MAGI1: variants seen among roughly 807,000 people sequenced by gnomAD.
MAGI1 encodes the protein membrane associated guanylate kinase, WW and PDZ domain containing 1.
In MAGI1, 58 loss-of-function variants were observed where a neutral mutation model predicts 139.9. The ratio of observed to expected loss-of-function variants is 0.41; its 90% CI spans 0.34 to 0.52. The LOEUF (loss-of-function observed/expected upper bound fraction) is 0.52, where lower values mean the gene tolerates loss of function less well. MAGI1 is among the 20% of genes least tolerant of loss of function. The probability of loss-of-function intolerance (pLI) is 0.12; values close to 1 mark genes in which losing one functional copy is unlikely to be tolerated. For synonymous variants in MAGI1, 812 were observed against 737.9 expected, an observed-to-expected ratio of 1.10 and a Z score of -1.63; for missense variants, 1,874 against 1,901.6, an observed-to-expected ratio of 0.99 and a Z score of 0.27.
intron 1 of MAGI1, among the ~76,000 whole-genome samples, chr3:65,859,350 T>C (rs1249574735): frequency 1.3e-5 from 2 of 151,716 alleles, no homozygotes; most frequent in East Asian, 3.9e-4. Context: ...AGCACCTGCA[T>C]TAGACCCCTA....
intron 1 of MAGI1, among the ~76,000 whole-genome samples, chr3:65,807,293 C>T (rs565550031): frequency 1.1e-4 from 16 of 152,270 alleles, no homozygotes; most frequent in Admixed American, 9.8e-4. Context: ...CTGGCAAGGA[C>T]TTCATCTCTG....
chr3:65,960,281 G>C (rs1248549790), intron 1 of MAGI1, among the ~76,000 whole-genome samples: 1 of 152,066 alleles, frequency 6.6e-6, no homozygotes, highest in African/African-American at 2.4e-5. Flanking sequence ...AAAGCTCCCA[G>C]AAAAGCTTGA....
rs527396431 is a variant in MAGI1 at position 65,509,428 on chromosome 3, G to T, written c.431-15797C>A. On this transcript the variant is annotated intron_variant, in intron 2 of 22. Transcript: ENST00000402939. ...CTCACTAGGGAGTGCCAGACAGTGGGCGCAGGTCAGTGGGTGCGCGTACCG... is the reference window on the plus strand; with the variant it reads ...CTCACTAGGGAGTGCCAGACAGTGGTCGCAGGTCAGTGGGTGCGCGTACCG... 6.6e-5 allele frequency among the ~76,000 whole-genome samples: 10 copies of T among 152,268 alleles called. No individual in the cohort carries two copies. In the South Asian group the frequency reaches 2.1e-3, roughly 32 times the overall value.
intron 1 of MAGI1, among the ~76,000 whole-genome samples, chr3:65,935,399 C>A (rs1045279090): frequency 6.6e-6 from 1 of 152,010 alleles, no homozygotes; most frequent in Non-Finnish European, 1.5e-5. Context: ...TTTGGAAGGC[C>A]GAGGTGGGCA....
intron 1 of MAGI1, among the ~76,000 whole-genome samples, chr3:65,991,765 A>G (rs1350197390): frequency 6.6e-6 from 1 of 152,204 alleles, no homozygotes; most frequent in African/African-American, 2.4e-5. Context: ...TTGTAATCCC[A>G]GCACTTTGAG....
intron 1 of MAGI1, among the ~76,000 whole-genome samples, chr3:65,781,896 C>A (rs114423718): frequency 6.6e-6 from 1 of 151,794 alleles, no homozygotes; most frequent in South Asian, 2.1e-4. Flanking sequence ...GACTGGGGAA[C>A]CCCCCCTCAC....
intron 5 of MAGI1, 49 bp downstream of exon 5, chr3:65,470,234 G>A (rs1288143715): frequency 3.0e-6 from 4 of 1,344,794 alleles, no homozygotes; most frequent in Non-Finnish European, 4.2e-6. Flanking sequence ...AGGGAAGGAA[G>A]GGAAAAGAAA....
At chr3:65,472,315 A>G (rs1012960108) in intron 4 of MAGI1, among the ~76,000 whole-genome samples, 129 of 152,308 alleles carry the variant, frequency 8.5e-4, no homozygotes, top group Non-Finnish European at 9.6e-4. Context: ...TTAAGTGCAT[A>G]AAAGAATCAC....
rs560019929 is a variant in MAGI1 at position 65,453,632 on chromosome 3, C to A, written c.960-292G>T. ...AATAAGTTACAAATGATACCCCTTG[C>A]GTATACCATCTACCCTTGTCTAGAT... On this transcript the variant is annotated intron_variant, in intron 5 of 22. Transcript: ENST00000402939. 4.6e-5 allele frequency among the ~76,000 whole-genome samples: 7 copies of A among 152,172 alleles called. No individual in the cohort carries two copies. The East Asian group carries it at 9.7e-4, about 21-fold the overall frequency.
At chr3:65,760,708 G>A (rs1200029525) in intron 1 of MAGI1, among the ~76,000 whole-genome samples, 2 of 152,120 alleles carry the variant, frequency 1.3e-5, no homozygotes, top group African/African-American at 4.8e-5. Context: ...GCCCAGCCTA[G>A]AGTTATAATT....
At chr3:65,544,943 G>A (rs930442670) in intron 2 of MAGI1, among the ~76,000 whole-genome samples, 2 of 152,176 alleles carry the variant, frequency 1.3e-5, no homozygotes, top group African/African-American at 4.8e-5. Flanking sequence ...GTTACCATTT[G>A]CTAATATCTT....
At chr3:65,522,242 G>A (rs2078195992) in intron 2 of MAGI1, among the ~76,000 whole-genome samples, 1 of 152,180 alleles carries the variant, frequency 6.6e-6, no homozygotes, top group African/African-American at 2.4e-5. Context: ...TGTTGAATAT[G>A]CTGATATTAA....
intron 1 of MAGI1, among the ~76,000 whole-genome samples, chr3:65,766,845 C>T (rs2037520505): frequency 6.6e-6 from 1 of 152,062 alleles, no homozygotes; most frequent in African/African-American, 2.4e-5. Flanking sequence ...GCCGAGATCA[C>T]ACCACCGCAC....
intron 5 of MAGI1, among the ~76,000 whole-genome samples, chr3:65,461,969 G>T (rs1436964578): frequency 2.0e-5 from 3 of 151,986 alleles, no homozygotes; most frequent in African/African-American, 7.2e-5. Flanking sequence ...TTTTGATAGG[G>T]TTGTTTTTTT....
intron 1 of MAGI1, among the ~76,000 whole-genome samples, chr3:65,693,258 C>G (rs1445569352): frequency 6.6e-6 from 1 of 152,130 alleles, no homozygotes; most frequent in Non-Finnish European, 1.5e-5. Context: ...TAATAAATGT[C>G]TTTTCTTTAT....
intron 1 of MAGI1, among the ~76,000 whole-genome samples, chr3:65,778,831 T>G (rs2107992923): frequency 6.6e-6 from 1 of 152,356 alleles, no homozygotes; most frequent in South Asian, 2.1e-4. Flanking sequence ...ATTAATAATT[T>G]TCCAAAGATT....
chr3:65,398,488 G>A (rs1355262315), intron 13 of MAGI1, among the ~76,000 whole-genome samples: 1 of 152,062 alleles, frequency 6.6e-6, no homozygotes, highest in East Asian at 1.9e-4. Context: ...GACAAAGTGA[G>A]ACCTCATCTC....
intron 16 of MAGI1, chr3:65,380,827 G>A (rs1044108788): frequency 6.6e-6 from 1 of 152,010 alleles, no homozygotes; most frequent in Non-Finnish European, 1.5e-5. Flanking sequence ...TTAGCTACAT[G>A]GAATAGTATG....
intron 1 of MAGI1, among the ~76,000 whole-genome samples, chr3:65,807,362 G>A (rs984179226): frequency 3.9e-5 from 6 of 152,106 alleles, no homozygotes; most frequent in African/African-American, 1.4e-4. Context: ...AAAAGGGACC[G>A]GCTTTCTCTT....
Sources: gnomAD v4.1 joint callset for allele counts (sites outside exome capture counted in the v4.1 genomes callset) on GRCh38, gnomAD v4.1.1 for gene constraint, MANE v1.5 for transcripts, NCBI Gene and HGNC (gene_info 2026-07-23, HGNC 2026-07-21) for gene names.